The following FBN2 variants were observed in gnomAD, a reference collection of about 807,000 sequenced individuals.
FBN2 encodes the protein fibrillin-2.
Under a neutral mutation model 355.6 loss-of-function variants are expected in FBN2, and 105 were observed. The ratio of observed to expected loss-of-function variants is 0.30; its 90% CI spans 0.25 to 0.35. The LOEUF (loss-of-function observed/expected upper bound fraction) is 0.35, where lower values mean the gene tolerates loss of function less well. FBN2 is among the 10% of genes least tolerant of loss of function. The probability of loss-of-function intolerance (pLI) is 1.00; values close to 1 mark genes in which losing one functional copy is unlikely to be tolerated. For synonymous variants in FBN2, 1,350 were observed against 1,301.2 expected (o/e 1.04, Z -0.81); for missense variants, 3,280 against 3,758.7 (o/e 0.87, Z 3.33).
chr5:128,330,011 C>G (rs571956948), intron 33 of FBN2, among the ~76,000 whole-genome samples: 1 of 152,078 alleles, frequency 6.6e-6, no homozygotes, highest in African/African-American at 2.4e-5. Context: ...TTGTATTATT[C>G]CATTTAATCC....
chr5:128,334,617 G>T, intron 31 of FBN2, 102 bp downstream of exon 31: 1 of 1,183,562 alleles, frequency 8.4e-7, no homozygotes. Context: ...CAGTCTGGTG[G>T]CAGGTAACCG....
intron 7 of FBN2, among the ~76,000 whole-genome samples, chr5:128,423,650 C>T (rs749099510): frequency 2.6e-5 from 4 of 152,142 alleles, no homozygotes; most frequent in Non-Finnish European, 4.4e-5. Context: ...CTACCTGTGT[C>T]TGAATCAGAA....
In FBN2 at chr5:128,342,411, G is replaced by A. The variant is rs115047044; in HGVS notation, c.3343+1974C>T. The stretch of plus-strand genomic sequence containing the variant: ...AGAGTAGATGAGTATACATGTATGT[G>A]CCTGAGTGACAGAGGGCAAAAGTCA... On this transcript the variant is annotated intron_variant, in intron 25 of 64. Transcript: ENST00000262464. Among the ~76,000 whole-genome samples, 15 of 152,246 alleles carry A rather than the reference G, an allele frequency of 9.9e-5. No homozygotes were observed. In the South Asian group the frequency reaches 3.1e-3, roughly 32 times the overall value.
At position 128,302,924 on chromosome 5, in the gene FBN2, T is replaced by C. The variant is rs752509272; in HGVS notation, c.5917+49A>G. 8 of 1,039,816 alleles carry C rather than the reference T, an allele frequency of 7.7e-6. No homozygotes were observed. The East Asian group carries it at 1.4e-4, about 18-fold the overall frequency. The allele number at this position is 1,039,816 out of a possible 1,614,324, so 64.4% of individuals were successfully genotyped here. A position where few individuals can be genotyped will look rare whatever the true frequency, so the allele number is the denominator to read the frequency against. The stretch of plus-strand genomic sequence containing the variant: ...TAGTTTTGTTTTTTATTTCAGCACA[T>C]TGTGTGGAAATGAAATAGAAGCAAT... On this transcript the variant is annotated intron_variant, in intron 46 of 64. Transcript: ENST00000262464.
intron 64 of FBN2, among the ~76,000 whole-genome samples, chr5:128,260,418 C>G (rs1163714286): frequency 1.3e-5 from 2 of 152,104 alleles, no homozygotes; most frequent in Non-Finnish European, 2.9e-5. Context: ...TGGGGCAGGG[C>G]CCAGATAAAC....
chr5:128,439,899 T>C (rs1753871432), intron 7 of FBN2, among the ~76,000 whole-genome samples: 1 of 152,186 alleles, frequency 6.6e-6, no homozygotes, highest in Non-Finnish European at 1.5e-5. Context: ...GTATAGATAA[T>C]ATTTGTATCT....
chr5:128,522,521 A>C (rs1246483366), intron 4 of FBN2, among the ~76,000 whole-genome samples: 1 of 152,152 alleles, frequency 6.6e-6, no homozygotes, highest in Non-Finnish European at 1.5e-5. Flanking sequence ...CTGCACGCTG[A>C]AGGTATTCTA....
rs766324809 is a variant in FBN2 at position 128,289,959 on chromosome 5, A to C, written c.6446-12T>G. The C allele has an allele frequency of 1.3e-6, 2 of 1,552,806 alleles. No individual in the cohort carries two copies. Among genetic ancestry groups the C allele is most frequent in the East Asian group, 4.5e-5 (2 of 44,482 alleles). Reference sequence around the variant, plus strand: ...ATCCTGAAATGCAACTACAAAGAAAAATACAAATTCTCCATTATTGAAGAC... The same window carrying C: ...ATCCTGAAATGCAACTACAAAGAAACATACAAATTCTCCATTATTGAAGAC... On this transcript the variant is annotated splice_polypyrimidine_tract_variant and intron_variant, in intron 50 of 64. Transcript: ENST00000262464.
intron 55 of FBN2, among the ~76,000 whole-genome samples, chr5:128,282,722 A>C (rs1749007216): frequency 6.6e-6 from 1 of 152,108 alleles, no homozygotes; most frequent in Admixed American, 6.6e-5. Flanking sequence ...CTACCTAAAT[A>C]ATGTTGATTT....
At chr5:128,327,890 G>A (rs1221399462) in intron 34 of FBN2, among the ~76,000 whole-genome samples, 3 of 152,048 alleles carry the variant, frequency 2.0e-5, no homozygotes, top group Admixed American at 6.6e-5. Flanking sequence ...CACCTGCTTC[G>A]GCCTCCCAAA....
intron 15 of FBN2, among the ~76,000 whole-genome samples, chr5:128,370,046 T>G (rs1397985166): frequency 6.6e-6 from 1 of 152,316 alleles, no homozygotes; most frequent in South Asian, 2.1e-4. Flanking sequence ...AGTCCTTGAA[T>G]ATCCAGTGCC....
At position 128,280,258 on chromosome 5, in the gene FBN2, T is replaced by A; in HGVS notation, c.7072A>T (p.Ile2358Phe). ...TTACACTCACATCTATAGCTTCCAATAATGTTAACACAACGTCCATTTTCA... is the reference window on the plus strand; with the variant it reads ...TTACACTCACATCTATAGCTTCCAAAAATGTTAACACAACGTCCATTTTCA... ...ICENGRCVNI[I>F]GSYRCECNEG... Residue 2358 changes from isoleucine to phenylalanine, a missense_variant, in exon 56 of 65, where the codon ATT (isoleucine) becomes TTT (phenylalanine). Coordinates refer to ENST00000262464, the MANE Select transcript of FBN2 (RefSeq NM_001999.4). 2 of 1,611,904 alleles carry A rather than the reference T, an allele frequency of 1.2e-6. No homozygotes were observed. The highest frequency in any genetic ancestry group is 1.7e-6 in the Non-Finnish European group (2 of 1,178,156).
intron 32 of FBN2, among the ~76,000 whole-genome samples, chr5:128,332,189 A>G (rs1561774697): frequency 1.3e-5 from 2 of 152,172 alleles, no homozygotes; most frequent in Non-Finnish European, 2.9e-5. Flanking sequence ...GGGCCTATAT[A>G]TTTTTTGTAA....
chr5:128,383,807 C>T (rs1055651536), intron 11 of FBN2, among the ~76,000 whole-genome samples: 18 of 152,022 alleles, frequency 1.2e-4, no homozygotes, highest in Non-Finnish European at 1.8e-4. Flanking sequence ...CCTGACTATA[C>T]GAAGTGCTGG....
rs183715157 is a variant in FBN2 at position 128,429,115 on chromosome 5, G to A, written c.952+17366C>T. ...CCTCTGCCTTTCAAACTCTGGAAAC[G>A]CAGAACAGCCTTTCCAGGTGTGAGT... On this transcript the variant is annotated intron_variant, in intron 7 of 64. Coordinates refer to ENST00000262464, the MANE Select transcript of FBN2 (RefSeq NM_001999.4). Among the ~76,000 whole-genome samples the A allele has an allele frequency of 7.3e-4, 111 of 152,248 alleles. No individual in the cohort carries two copies. The South Asian group carries it at 0.014, about 20-fold the overall frequency.
intron 8 of FBN2, 129 bp from the exon 9 acceptor site, chr5:128,395,403 T>G: frequency 1.0e-6 from 1 of 993,462 alleles, no homozygotes; most frequent in Non-Finnish European, 1.5e-6. Flanking sequence ...ATTCCTTTCT[T>G]CACTCTCTTA....
chr5:128,283,773 T>C (rs1749055212), intron 55 of FBN2, among the ~76,000 whole-genome samples: 1 of 152,214 alleles, frequency 6.6e-6, no homozygotes, highest in African/African-American at 2.4e-5. Context: ...AACAGAACTT[T>C]TATTCTTCTG....
At chr5:128,430,751 G>A (rs902290803) in intron 7 of FBN2, among the ~76,000 whole-genome samples, 2 of 152,054 alleles carry the variant, frequency 1.3e-5, no homozygotes, top group African/African-American at 4.8e-5. Context: ...GGCTGAGGCA[G>A]GAGAATCCCT....
intron 14 of FBN2, among the ~76,000 whole-genome samples, chr5:128,375,001 C>T (rs1752046298): frequency 6.6e-6 from 1 of 152,024 alleles, no homozygotes; most frequent in Non-Finnish European, 1.5e-5. Context: ...TTTGACAATC[C>T]CATTTAACGC....
Sources: allele counts gnomAD v4.1 joint callset (sites outside exome capture counted in the v4.1 genomes callset), GRCh38; gene constraint gnomAD v4.1.1; transcripts MANE v1.5; gene names NCBI Gene and HGNC (gene_info 2026-07-23, HGNC 2026-07-21).